Variants in SEMA3D observed in about 807,000 individuals in gnomAD.
The protein encoded by SEMA3D is semaphorin 3D.
In SEMA3D, 84 loss-of-function variants were observed where a neutral mutation model predicts 100.1. The ratio of observed to expected loss-of-function variants is 0.84; its 90% CI spans 0.70 to 1.01. The LOEUF (loss-of-function observed/expected upper bound fraction) is 1.01, where lower values mean the gene tolerates loss of function less well. Among genes scored for constraint, SEMA3D ranks in the 50% least tolerant of loss-of-function variants. The probability of loss-of-function intolerance (pLI) is 0.00; values close to 1 mark genes in which losing one functional copy is unlikely to be tolerated. For synonymous variants in SEMA3D, 312 were observed against 320.7 expected (o/e 0.97, Z 0.29); for missense variants, 875 against 934.1 (o/e 0.94, Z 0.82).
At chr7:85,035,610 A>G (rs907218642) in intron 12 of SEMA3D, among the ~76,000 whole-genome samples, 2 of 152,028 alleles carry the variant, frequency 1.3e-5, no homozygotes, top group African/African-American at 4.8e-5. Flanking sequence ...TTACCAATCA[A>G]TGCACACAAA....
chr7:85,223,631 G>T, the SEMA3D span, among the ~76,000 whole-genome samples: 1 of 151,904 alleles, frequency 6.6e-6, no homozygotes, highest in African/African-American at 2.4e-5. Flanking sequence ...GGACGGACTT[G>T]GAGATGGTTA....
intron 6 of SEMA3D, among the ~76,000 whole-genome samples, chr7:85,069,652 C>G (rs1583891939): frequency 6.6e-6 from 1 of 152,016 alleles, no homozygotes; most frequent in Non-Finnish European, 1.5e-5. Context: ...CCTGTCTGAG[C>G]TACACAGATG....
chr7:85,068,296 A>G lies in SEMA3D; in HGVS notation c.496-12T>C, dbSNP rs199965378. On this transcript the variant is annotated splice_polypyrimidine_tract_variant and intron_variant, in intron 6 of 18. Coordinates refer to ENST00000284136, the MANE Select transcript of SEMA3D (RefSeq NM_001384900.1). ...TTGAATATAATATCCTGTTATGAGA[A>G]ATATTAACACTAGTGAACTTTTTAA... 1.7e-5 allele frequency: 23 copies of G among 1,392,450 alleles called. No homozygotes were observed. In the Admixed American group the frequency reaches 2.4e-4, roughly 14 times the overall value. 86.3% of individuals were successfully genotyped at this position (1,392,450 alleles called of 1,614,324 possible).
chr7:85,005,237 TA>T (rs1789761874), intron 18 of SEMA3D, among the ~76,000 whole-genome samples: 1 of 151,930 alleles, frequency 6.6e-6, no homozygotes. Context: ...ATCTGCAAGT[TA>T]AAAAATTTCA....
chr7:84,999,365 A>G lies in SEMA3D; in HGVS notation c.*75T>C. The G allele has an allele frequency of 8.9e-7, 1 of 1,127,974 alleles. No individual in the cohort carries two copies. The highest frequency in any genetic ancestry group is 2.5e-4 in the Middle Eastern group (1 of 4,066). 69.9% of individuals were successfully genotyped at this position (1,127,974 alleles called of 1,614,324 possible). ...ACTCCATGGGAAGCATTTATGAATT[A>G]CTATAAGGGATATACAAAACAGAAG... On this transcript the variant is annotated 3_prime_UTR_variant, in exon 19 of 19. Coordinates refer to ENST00000284136, the MANE Select transcript of SEMA3D (RefSeq NM_001384900.1).
chr7:85,142,122 T>G lies in SEMA3D; in HGVS notation c.-41+11486A>C, dbSNP rs1352503304. 6 of 984,688 alleles carry G rather than the reference T, an allele frequency of 6.1e-6. No homozygotes were observed. The East Asian group carries it at 5.7e-4, about 93-fold the overall frequency. The allele number at this position is 984,688 out of a possible 1,614,324, so 61.0% of individuals were successfully genotyped here. A position where few individuals can be genotyped will look rare whatever the true frequency, so the allele number is the denominator to read the frequency against. Reference sequence around the variant, plus strand: ...TTTAGTTTTGATGTATTAAAATTTCTAAGCAATTATTGACATATATCAACA... The same window carrying G: ...TTTAGTTTTGATGTATTAAAATTTCGAAGCAATTATTGACATATATCAACA... On this transcript the variant is annotated intron_variant, in intron 2 of 18. Coordinates refer to ENST00000284136, the MANE Select transcript of SEMA3D (RefSeq NM_001384900.1).
intron 17 of SEMA3D, among the ~76,000 whole-genome samples, chr7:85,008,660 T>C (rs1193395785): frequency 1.3e-5 from 2 of 151,750 alleles, no homozygotes; most frequent in East Asian, 3.9e-4. Flanking sequence ...TTCTACTTGA[T>C]AGTTGCAGTC....
chr7:85,209,015 G>C, the SEMA3D span, among the ~76,000 whole-genome samples: 6 of 151,962 alleles, frequency 3.9e-5, no homozygotes, highest in Non-Finnish European at 5.9e-5. Flanking sequence ...TTTAACCAGA[G>C]ATTAAAGCTA....
intron 1 of SEMA3D, among the ~76,000 whole-genome samples, chr7:85,178,795 C>A (rs1435370376): frequency 6.6e-6 from 1 of 152,206 alleles, no homozygotes; most frequent in Non-Finnish European, 1.5e-5. Flanking sequence ...GACTTCACAG[C>A]AGCCCTTCCT....
intron 1 of SEMA3D, among the ~76,000 whole-genome samples, chr7:85,159,674 A>G (rs570650406): frequency 2.0e-4 from 31 of 152,322 alleles, no homozygotes; most frequent in African/African-American, 6.5e-4. Flanking sequence ...TTGTGAATAA[A>G]ATGATGTCTT....
chr7:85,012,911 A>G (rs1789997508), intron 16 of SEMA3D, 65 bp from the exon 17 acceptor site: 1 of 1,232,390 alleles, frequency 8.1e-7, no homozygotes, highest in East Asian at 2.3e-5. Flanking sequence ...GAAAGGCTAC[A>G]TCTAATACTA....
intron 1 of SEMA3D, among the ~76,000 whole-genome samples, chr7:85,185,736 G>T (rs74877748): frequency 6.6e-6 from 1 of 152,168 alleles, no homozygotes; most frequent in African/African-American, 2.4e-5. Context: ...AGCCCAGGAG[G>T]TTGAACTCGA....
At chr7:85,206,438 G>A in the SEMA3D span, among the ~76,000 whole-genome samples, 1 of 152,060 alleles carries the variant, frequency 6.6e-6, no homozygotes, top group South Asian at 2.1e-4. Flanking sequence ...ACTGCTTGCT[G>A]TAAAATCTTA....
rs368664492 is a variant in SEMA3D, at chr7:85,042,122, T to C, written c.976+49A>G. The C allele has an allele frequency of 2.9e-4, 364 of 1,243,578 alleles. 1 individual carries two copies. Among genetic ancestry groups the C allele is most frequent in the Admixed American group, 6.2e-4 (36 of 57,722 alleles). The allele number at this position is 1,243,578 out of a possible 1,614,324, so 77.0% of individuals were successfully genotyped here. ...AAAGGGAAATAAATGCCAAGTTACT[T>C]AATTAGGCAGTAAGGCCTTTCCAAG... On this transcript the variant is annotated intron_variant, in intron 10 of 18. Transcript: ENST00000284136.
At chr7:85,076,717 A>G (rs1791933110) in intron 5 of SEMA3D, among the ~76,000 whole-genome samples, 1 of 152,212 alleles carries the variant, frequency 6.6e-6, no homozygotes, top group African/African-American at 2.4e-5. Context: ...CTTTTCACCT[A>G]TCTCTGTCTC....
At chr7:85,148,209 T>C (rs1790270552) in intron 2 of SEMA3D, among the ~76,000 whole-genome samples, 2 of 152,226 alleles carry the variant, frequency 1.3e-5, no homozygotes, top group Non-Finnish European at 2.9e-5. Flanking sequence ...TCACTATTAA[T>C]GATGATCATT....
chr7:85,028,162 AG>A, intron 12 of SEMA3D: 1 of 638,074 alleles, frequency 1.6e-6, no homozygotes, highest in South Asian at 1.5e-5. Context: ...AGAGACAAAA[AG>A]CTGCTACCCA....
chr7:85,218,014 T>C, the SEMA3D span, among the ~76,000 whole-genome samples: 1 of 152,114 alleles, frequency 6.6e-6, no homozygotes, highest in African/African-American at 2.4e-5. Context: ...TACAGATTTG[T>C]CGACAAAAGT....
the SEMA3D span, among the ~76,000 whole-genome samples, chr7:85,206,232 T>C: frequency 6.6e-6 from 1 of 152,124 alleles, no homozygotes; most frequent in African/African-American, 2.4e-5. Flanking sequence ...TGACTCTGCT[T>C]TCATTCCTTC....
Sources: allele counts gnomAD v4.1 joint callset (sites outside exome capture counted in the v4.1 genomes callset), GRCh38; gene constraint gnomAD v4.1.1; transcripts MANE v1.5; gene names NCBI Gene and HGNC (gene_info 2026-07-23, HGNC 2026-07-21).